The following MYO1E variants were observed in gnomAD, a reference collection of about 807,000 sequenced individuals.
The protein encoded by MYO1E is myosin IE.
Under a neutral mutation model 151.1 loss-of-function variants are expected in MYO1E, and 68 were observed. The observed-to-expected ratio is 0.45, with a 90% CI of 0.37 to 0.55. The LOEUF (loss-of-function observed/expected upper bound fraction) is 0.55, where lower values mean the gene tolerates loss of function less well. Among genes scored for constraint, MYO1E ranks in the 20% least tolerant of loss-of-function variants. The probability of loss-of-function intolerance (pLI) is 0.00; values close to 1 mark genes in which losing one functional copy is unlikely to be tolerated. For missense variants in MYO1E, 1,363 were observed against 1,389.3 expected, an observed-to-expected ratio of 0.98 and a Z score of 0.30; for synonymous variants, 601 against 501.7, an observed-to-expected ratio of 1.20 and a Z score of -2.64.
intron 5 of MYO1E, among the ~76,000 whole-genome samples, chr15:59,234,233 G>C (rs1415674832): frequency 6.8e-6 from 1 of 147,778 alleles, no homozygotes; most frequent in East Asian, 2.0e-4. Context: ...TGGATGGATG[G>C]ATGGATGGAT....
intron 23 of MYO1E, among the ~76,000 whole-genome samples, chr15:59,161,646 G>C (rs577524764): frequency 6.6e-6 from 1 of 152,292 alleles, no homozygotes; most frequent in East Asian, 1.9e-4. Context: ...GCCAGACACA[G>C]GCCAGCTTGA....
At chr15:59,369,983 T>C (rs2080935768) in intron 1 of MYO1E, among the ~76,000 whole-genome samples, 2 of 152,174 alleles carry the variant, frequency 1.3e-5, no homozygotes, top group African/African-American at 4.8e-5. Context: ...TTCTTCTTAA[T>C]ATTTTTTAAC....
In MYO1E at chr15:59,224,737, T is replaced by G. The variant is rs1739059723; in HGVS notation, c.729A>C (p.Ser243=). ...DYYYYLSLSG[S]YKVDDIDDRR... ...TGTCGTCAATGTCATCAACCTTGTA[T>G]GAGCCCGAGAGGCTCAGGTAGTAAT... is the stretch of plus-strand genomic sequence containing the variant. Residue 243 remains serine (S), a synonymous_variant, in exon 8 of 28, where the codon TCA becomes TCC. Transcript: ENST00000288235. 1.9e-6 allele frequency: 3 copies of G among 1,614,132 alleles called. No individual in the cohort carries two copies. Among genetic ancestry groups the G allele is most frequent in the Non-Finnish European group, 2.5e-6 (3 of 1,180,058 alleles).
Position 59,224,572 on chromosome 15 carries a change from A to G in MYO1E, c.777+117T>C. The G allele has an allele frequency of 1.1e-5, 15 of 1,398,754 alleles. No individual in the cohort carries two copies. In the South Asian group the frequency reaches 1.6e-4, roughly 15 times the overall value. 86.6% of individuals were successfully genotyped at this position (1,398,754 alleles called of 1,614,324 possible). A position where few individuals can be genotyped will look rare whatever the true frequency, so the allele number is the denominator to read the frequency against. ...GTATGAGCATACAGAGTGCTCACAG[A>G]GAAAGAGGCGGACATTTCATGCAGC... On this transcript the variant is annotated intron_variant, in intron 8 of 27. Transcript: ENST00000288235.
rs142983863 is a variant in MYO1E, at chr15:59,250,589, G to A, written c.332+5695C>T. Among the ~76,000 whole-genome samples, 1,079 of 151,934 alleles carry A rather than the reference G, an allele frequency of 7.1e-3. 2 individuals carry two copies. Among genetic ancestry groups the A allele is most frequent in the Non-Finnish European group, 0.012 (801 of 67,936 alleles). ...AATCCTAAGTGTAGGGCTTTTCTGA[G>A]TTTTGTGAGTTGTTCTAGTGAACTA... On this transcript the variant is annotated intron_variant, in intron 4 of 27. Coordinates refer to ENST00000288235, the MANE Select transcript of MYO1E (RefSeq NM_004998.4).
intron 10 of MYO1E, among the ~76,000 whole-genome samples, chr15:59,216,679 T>TATAC (rs2079919270): frequency 3.3e-5 from 1 of 29,878 alleles, no homozygotes; most frequent in East Asian, 8.3e-4. Context: ...TATATATATA[T>TATAC]ATATATACAC....
intron 17 of MYO1E, 75 bp from the exon 18 acceptor site, chr15:59,188,291 A>G (rs1260736016): frequency 3.4e-6 from 4 of 1,171,214 alleles, no homozygotes; most frequent in Non-Finnish European, 5.1e-6. Context: ...GCCAACCCCC[A>G]AGCCCCCAGT....
intron 6 of MYO1E, among the ~76,000 whole-genome samples, chr15:59,230,524 T>G (rs2080022078): frequency 6.6e-6 from 1 of 152,196 alleles, no homozygotes; most frequent in Non-Finnish European, 1.5e-5. Flanking sequence ...AGATTTAGAT[T>G]GAAAATTAAT....
chr15:59,258,369 AT>A (rs2080206138), intron 3 of MYO1E, among the ~76,000 whole-genome samples: 2 of 152,222 alleles, frequency 1.3e-5, no homozygotes. Flanking sequence ...AAACAAAAAA[AT>A]ATATATCTAG....
At chr15:59,176,607 G>A (rs112081786) in intron 19 of MYO1E, among the ~76,000 whole-genome samples, 2 of 151,868 alleles carry the variant, frequency 1.3e-5, no homozygotes, top group Non-Finnish European at 2.9e-5. Context: ...GACAGCAGGC[G>A]TGTACCACCA....
chr15:59,302,195 C>T (rs2080487069), intron 1 of MYO1E, among the ~76,000 whole-genome samples: 2 of 152,168 alleles, frequency 1.3e-5, no homozygotes, highest in South Asian at 2.1e-4. Flanking sequence ...CAGAAACCAG[C>T]GTGCCAATGA....
At chr15:59,363,998 G>C (rs779587808) in intron 1 of MYO1E, among the ~76,000 whole-genome samples, 1 of 152,022 alleles carries the variant, frequency 6.6e-6, no homozygotes, top group South Asian at 2.1e-4. Context: ...GGCTGGTCTC[G>C]AACTCCTGAC....
intron 1 of MYO1E, among the ~76,000 whole-genome samples, chr15:59,340,575 T>C (rs559730152): frequency 1.3e-5 from 2 of 152,342 alleles, no homozygotes; most frequent in African/African-American, 2.4e-5. Context: ...TCAAATGACA[T>C]GTTTACAATT....
At chr15:59,150,852 A>G (rs1453576785) in intron 26 of MYO1E, among the ~76,000 whole-genome samples, 2 of 152,140 alleles carry the variant, frequency 1.3e-5, no homozygotes, top group African/African-American at 4.8e-5. Flanking sequence ...AGAAACGCGG[A>G]AAGTGGGCCA....
chr15:59,205,607 C>G (rs2079828756), intron 14 of MYO1E, 122 bp from the exon 15 acceptor site: 4 of 839,714 alleles, frequency 4.8e-6, no homozygotes, highest in African/African-American at 3.4e-5. Flanking sequence ...CATGGCTACC[C>G]TCACCACAAC....
intron 1 of MYO1E, among the ~76,000 whole-genome samples, chr15:59,334,837 G>C (rs1221716722): frequency 9.2e-5 from 14 of 152,108 alleles, no homozygotes. Flanking sequence ...CTGACTACAA[G>C]AATGATTTAC....
At chr15:59,187,826 C>T (rs564894285) in intron 18 of MYO1E, among the ~76,000 whole-genome samples, 2 of 152,284 alleles carry the variant, frequency 1.3e-5, no homozygotes, top group East Asian at 3.9e-4. Context: ...ACAGAGGACA[C>T]ATATATGATT....
intron 1 of MYO1E, among the ~76,000 whole-genome samples, chr15:59,365,722 C>T (rs1424865805): frequency 6.6e-6 from 1 of 152,154 alleles, no homozygotes; most frequent in African/African-American, 2.4e-5. Flanking sequence ...TTGTAACAAA[C>T]ATTATCAGAG....
chr15:59,210,469 T>C (rs2079872127), intron 13 of MYO1E, 45 bp downstream of exon 13: 1 of 1,297,526 alleles, frequency 7.7e-7, no homozygotes. Flanking sequence ...ACTCACTTAA[T>C]GTAAACCTGT....
Sources: gnomAD v4.1 joint callset for allele counts (sites outside exome capture counted in the v4.1 genomes callset) on GRCh38, gnomAD v4.1.1 for gene constraint, MANE v1.5 for transcripts, NCBI Gene and HGNC (gene_info 2026-07-23, HGNC 2026-07-21) for gene names.